Variants in TCF7L2 observed in about 807,000 individuals in gnomAD.
TCF7L2 encodes the protein transcription factor 7-like 2.
In TCF7L2, 23 loss-of-function variants were observed where a neutral mutation model predicts 77.9. The ratio of observed to expected loss-of-function variants is 0.30; its 90% CI spans 0.21 to 0.42. The LOEUF (loss-of-function observed/expected upper bound fraction) is 0.42, where lower values mean the gene tolerates loss of function less well. TCF7L2 is among the 10% of genes least tolerant of loss of function. The pLI, the probability that TCF7L2 is intolerant of heterozygous loss-of-function variation, is 1.00. For missense variants in TCF7L2, 654 were observed against 793.1 expected, an observed-to-expected ratio of 0.82 and a Z score of 2.11; for synonymous variants, 413 against 340.2, an observed-to-expected ratio of 1.21 and a Z score of -2.36.
chr10:113,108,115 T>G (rs2062638779), intron 5 of TCF7L2, among the ~76,000 whole-genome samples: 1 of 152,118 alleles, frequency 6.6e-6, no homozygotes, highest in Admixed American at 6.6e-5. Flanking sequence ...TCTTGGCTCT[T>G]CTTAGGGGAC....
intron 5 of TCF7L2, among the ~76,000 whole-genome samples, chr10:113,058,477 G>A (rs771583910): frequency 1.3e-5 from 2 of 152,124 alleles, no homozygotes; most frequent in Non-Finnish European, 2.9e-5. Flanking sequence ...GTTTTATACC[G>A]GGTTTTGGTG....
intron 5 of TCF7L2, among the ~76,000 whole-genome samples, chr10:113,064,170 C>T (rs1363878877): frequency 1.3e-5 from 2 of 152,160 alleles, no homozygotes; most frequent in Non-Finnish European, 2.9e-5. Flanking sequence ...TCAGGCATCA[C>T]AATTTTCTTG....
At chr10:113,028,787 A>G (rs908336409) in intron 4 of TCF7L2, among the ~76,000 whole-genome samples, 3 of 152,212 alleles carry the variant, frequency 2.0e-5, no homozygotes, top group Non-Finnish European at 4.4e-5. Context: ...AGCCATGGAG[A>G]AAGAAAGGGA....
chr10:113,106,162 C>CT (rs2062289292), intron 5 of TCF7L2, among the ~76,000 whole-genome samples: 1 of 152,132 alleles, frequency 6.6e-6, no homozygotes, highest in Non-Finnish European at 1.5e-5. Flanking sequence ...CAGACCCCAA[C>CT]CAGAGTAATG....
At chr10:113,029,988 T>C (rs988958340) in intron 4 of TCF7L2, among the ~76,000 whole-genome samples, 2 of 152,204 alleles carry the variant, frequency 1.3e-5, no homozygotes, top group African/African-American at 2.4e-5. Flanking sequence ...GTCTATTTAG[T>C]ATATTTACAA....
intron 5 of TCF7L2, among the ~76,000 whole-genome samples, chr10:113,138,742 C>CCT (rs1371852375): frequency 1.3e-5 from 2 of 152,154 alleles, no homozygotes; most frequent in African/African-American, 4.8e-5. Flanking sequence ...TGGCTCTTTG[C>CCT]CTCTGTGCTT....
At chr10:113,113,437 G>T (rs896174480) in intron 5 of TCF7L2, among the ~76,000 whole-genome samples, 17 of 152,290 alleles carry the variant, frequency 1.1e-4, no homozygotes, top group African/African-American at 4.1e-4. Flanking sequence ...GAATCACAGG[G>T]CATAGGACAT....
intron 4 of TCF7L2, among the ~76,000 whole-genome samples, chr10:112,982,670 G>T (rs2040695817): frequency 6.6e-6 from 1 of 152,106 alleles, no homozygotes; most frequent in African/African-American, 2.4e-5. Context: ...GCCCAGACTG[G>T]AGTGCAGTGG....
Position 113,047,288 on chromosome 10 carries a change from G to C in TCF7L2, c.552+7162G>C, listed in dbSNP as rs11196205. On this transcript the variant is annotated intron_variant, in intron 5 of 13. Coordinates refer to ENST00000627217, the MANE Select transcript of TCF7L2 (RefSeq NM_001146274.2). ...GAAAGTTCTCAACATTTATAACTAC[G>C]AGCAGTATGTAAGAGAGTTATGGTT... Among the ~76,000 whole-genome samples, 80,486 of 152,016 alleles carry C rather than the reference G, an allele frequency of 0.53. 23,737 individuals are homozygous for C. The highest frequency in any genetic ancestry group is 0.78 in the African/African-American group (32,180 of 41,464).
intron 5 of TCF7L2, among the ~76,000 whole-genome samples, chr10:113,048,457 T>C (rs1294470708): frequency 6.6e-6 from 1 of 152,172 alleles, no homozygotes; most frequent in Non-Finnish European, 1.5e-5. Flanking sequence ...AAAACCCATC[T>C]CTGGTTAGGG....
At chr10:113,067,535 T>C (rs1356589404) in intron 5 of TCF7L2, among the ~76,000 whole-genome samples, 1 of 152,228 alleles carries the variant, frequency 6.6e-6, no homozygotes, top group East Asian at 1.9e-4. Context: ...TTGCAAAGTT[T>C]CTGAGAAGCA....
At chr10:112,970,027 C>T (rs1225960497) in intron 4 of TCF7L2, among the ~76,000 whole-genome samples, 1 of 152,278 alleles carries the variant, frequency 6.6e-6, no homozygotes, top group East Asian at 1.9e-4. Context: ...CCAATTAAGC[C>T]TTTGTTTTAA....
At chr10:113,075,501 A>G (rs747655700) in intron 5 of TCF7L2, among the ~76,000 whole-genome samples, 2 of 152,174 alleles carry the variant, frequency 1.3e-5, no homozygotes, top group Non-Finnish European at 2.9e-5. Context: ...TCTTTAAATG[A>G]ATGGCAACCC....
Position 113,167,646 on chromosome 10 carries a change from A to G in TCF7L2, c.*1674A>G, listed in dbSNP as rs1225761005. On this transcript the variant is annotated 3_prime_UTR_variant, in exon 14 of 14. Transcript: ENST00000627217. ...CAGTATCTGTAGCATGCCGTTCTGG[A>G]TTAATAAAAGCAACTTAGTATGTGC... The G allele has an allele frequency of 5.3e-6, 1 of 189,578 alleles. No individual in the cohort carries two copies. The highest frequency in any genetic ancestry group is 1.1e-5 in the Non-Finnish European group (1 of 90,340). The allele number at this position is 189,578 out of a possible 1,614,324, so 11.7% of individuals were successfully genotyped here. A position where few individuals can be genotyped will look rare whatever the true frequency, so the allele number is the denominator to read the frequency against.
chr10:113,123,045 C>G (rs943034787), intron 5 of TCF7L2, among the ~76,000 whole-genome samples: 1 of 152,196 alleles, frequency 6.6e-6, no homozygotes, highest in African/African-American at 2.4e-5. Context: ...TTTAAACCCT[C>G]AGTAGATCGG....
chr10:113,117,655 G>C (rs1035846273), intron 5 of TCF7L2, among the ~76,000 whole-genome samples: 1 of 152,166 alleles, frequency 6.6e-6, no homozygotes, highest in Admixed American at 6.5e-5. Flanking sequence ...TGTGGTGCGC[G>C]CTTAGTCAAT....
intron 5 of TCF7L2, among the ~76,000 whole-genome samples, chr10:113,052,741 T>C (rs2054680173): frequency 6.6e-6 from 1 of 152,216 alleles, no homozygotes; most frequent in South Asian, 2.1e-4. Flanking sequence ...TTCATTTTTA[T>C]GCATTCTACC....
At chr10:113,086,279 C>T (rs1187396772) in intron 5 of TCF7L2, among the ~76,000 whole-genome samples, 1 of 152,190 alleles carries the variant, frequency 6.6e-6, no homozygotes, top group Non-Finnish European at 1.5e-5. Context: ...AAACCCAATT[C>T]AAACTGGCCT....
intron 5 of TCF7L2, among the ~76,000 whole-genome samples, chr10:113,128,292 AAAG>A (rs1178092738): frequency 1.3e-5 from 2 of 152,164 alleles, no homozygotes; most frequent in Non-Finnish European, 2.9e-5. Context: ...AAAAAGAAGA[AAAG>A]AAGAAATGAA....
Sources: allele counts gnomAD v4.1 joint callset (sites outside exome capture counted in the v4.1 genomes callset), GRCh38; gene constraint gnomAD v4.1.1; transcripts MANE v1.5; gene names NCBI Gene and HGNC (gene_info 2026-07-23, HGNC 2026-07-21).